PPP2R2B: variants seen among roughly 807,000 people sequenced by gnomAD.
PPP2R2B encodes the protein protein phosphatase 2 regulatory subunit Bbeta, also known as serine/threonine-protein phosphatase 2A 55 kDa regulatory subunit B beta isoform.
PPP2R2B carries 5 observed loss-of-function variants against 46.0 expected under a neutral mutation model. The observed-to-expected ratio is 0.11, with a 90% CI of 0.06 to 0.23. The LOEUF (loss-of-function observed/expected upper bound fraction) is 0.23, where lower values mean the gene tolerates loss of function less well. PPP2R2B is among the 10% of genes least tolerant of loss of function. The probability of loss-of-function intolerance (pLI) is 1.00; values close to 1 mark genes in which losing one functional copy is unlikely to be tolerated. For missense variants in PPP2R2B, 367 were observed against 575.0 expected, an observed-to-expected ratio of 0.64 and a Z score of 3.70; for synonymous variants, 215 against 206.7, an observed-to-expected ratio of 1.04 and a Z score of -0.34.
intron 2 of PPP2R2B, among the ~76,000 whole-genome samples, chr5:146,830,418 C>T (rs952152782): frequency 6.6e-6 from 1 of 152,118 alleles, no homozygotes; most frequent in African/African-American, 2.4e-5. Context: ...TATATAAAGC[C>T]CAACCAACAG....
intron 1 of PPP2R2B, among the ~76,000 whole-genome samples, chr5:146,985,847 C>T (rs1194898235): frequency 3.3e-5 from 5 of 151,980 alleles, no homozygotes; most frequent in African/African-American, 7.3e-5. Context: ...AACTGTTAAA[C>T]TAATTAAAAA....
intron 1 of PPP2R2B, among the ~76,000 whole-genome samples, chr5:146,961,554 C>T (rs1339284197): frequency 1.3e-5 from 2 of 152,140 alleles, no homozygotes; most frequent in African/African-American, 4.8e-5. Flanking sequence ...TACTAGGAAG[C>T]TTGAACACCT....
chr5:146,601,293 C>T (rs1157363332), intron 7 of PPP2R2B, among the ~76,000 whole-genome samples: 6 of 152,104 alleles, frequency 3.9e-5, no homozygotes, highest in Non-Finnish European at 8.8e-5. Context: ...CTTGTTGGCT[C>T]ACGGTGTTTA....
intron 5 of PPP2R2B, among the ~76,000 whole-genome samples, chr5:146,682,912 G>A (rs1025131247): frequency 1.3e-5 from 2 of 152,156 alleles, no homozygotes; most frequent in Non-Finnish European, 2.9e-5. Flanking sequence ...AGAACCTTGA[G>A]GCAGGAGGAG....
At chr5:146,916,784 GA>G (rs1471615319) in intron 1 of PPP2R2B, among the ~76,000 whole-genome samples, 1 of 151,932 alleles carries the variant, frequency 6.6e-6, no homozygotes, top group Admixed American at 6.6e-5. Context: ...CTTGTAGTAA[GA>G]AAAAAAGTTG....
intron 8 of PPP2R2B, among the ~76,000 whole-genome samples, chr5:146,596,023 A>G (rs1485782441): frequency 1.3e-5 from 2 of 152,132 alleles, no homozygotes; most frequent in Admixed American, 6.5e-5. Context: ...TTTTTCTCCA[A>G]AGGGCCGGAT....
At chr5:146,772,063 T>C (rs1222279079) in intron 2 of PPP2R2B, among the ~76,000 whole-genome samples, 1 of 152,136 alleles carries the variant, frequency 6.6e-6, no homozygotes, top group Admixed American at 6.6e-5. Flanking sequence ...GGAAACAACC[T>C]GAATTACATC....
intron 2 of PPP2R2B, among the ~76,000 whole-genome samples, chr5:146,745,371 G>T (rs73322106): frequency 0.024 from 3,662 of 151,982 alleles, 143 homozygotes; most frequent in African/African-American, 0.081. Flanking sequence ...GAGATTTTTG[G>T]CCATAAAAAT....
intron 2 of PPP2R2B, among the ~76,000 whole-genome samples, chr5:146,797,077 C>T (rs1389685370): frequency 3.9e-5 from 6 of 152,200 alleles, no homozygotes; most frequent in African/African-American, 1.4e-4. Flanking sequence ...GTTCTCACAG[C>T]ATGAAAGTGC....
chr5:146,752,665 T>G (rs1051343990), intron 2 of PPP2R2B, among the ~76,000 whole-genome samples: 2 of 151,996 alleles, frequency 1.3e-5, no homozygotes, highest in African/African-American at 4.8e-5. Context: ...GTTTTTGGGG[T>G]GTGTGTGTGT....
At chr5:146,753,966 A>G (rs1256772938) in intron 2 of PPP2R2B, among the ~76,000 whole-genome samples, 1 of 152,096 alleles carries the variant, frequency 6.6e-6, no homozygotes, top group Non-Finnish European at 1.5e-5. Flanking sequence ...GCTTAAATCA[A>G]GCAGAATTGT....
At chr5:146,851,424 T>C (rs960141700) in intron 2 of PPP2R2B, among the ~76,000 whole-genome samples, 2 of 152,134 alleles carry the variant, frequency 1.3e-5, no homozygotes, top group Non-Finnish European at 1.5e-5. Flanking sequence ...TGATTGCTGA[T>C]TGCTATTAGT....
chr5:146,925,737 C>T (rs1763761396), intron 1 of PPP2R2B, among the ~76,000 whole-genome samples: 1 of 152,022 alleles, frequency 6.6e-6, no homozygotes, highest in South Asian at 2.1e-4. Flanking sequence ...TTTTCTGTCC[C>T]TTTCTCTTCT....
chr5:146,917,533 A>C (rs1763435764), intron 1 of PPP2R2B, among the ~76,000 whole-genome samples: 1 of 152,234 alleles, frequency 6.6e-6, no homozygotes, highest in South Asian at 2.1e-4. Context: ...ATCTTCATTT[A>C]TATAGAGGTT....
Position 146,847,274 on chromosome 5 carries a change from A to G in PPP2R2B, c.70+30728T>C, listed in dbSNP as rs138400776. Among the ~76,000 whole-genome samples the G allele has an allele frequency of 1.1e-3, 163 of 152,256 alleles. 1 individual carries two copies. Among genetic ancestry groups the G allele is most frequent in the African/African-American group, 3.8e-3 (158 of 41,554 alleles). On this transcript the variant is annotated intron_variant, in intron 2 of 9. Transcript: ENST00000394411. ...CCCCAGGATAAAGTTCAAATCTTCA[A>G]TTCAGCCTTTAATTCCTGACATAAT...
chr5:146,652,770 A>C (rs1266378893), intron 5 of PPP2R2B, among the ~76,000 whole-genome samples: 11 of 152,052 alleles, frequency 7.2e-5, no homozygotes, highest in Admixed American at 7.2e-4. Flanking sequence ...ACCCCCCCCC[A>C]AAAAGTTTTG....
rs1033231641 is a variant in PPP2R2B at position 146,804,107 on chromosome 5, C to A, written c.70+73895G>T. 5.3e-5 allele frequency among the ~76,000 whole-genome samples: 8 copies of A among 151,780 alleles called. No individual in the cohort carries two copies. The East Asian group carries it at 1.5e-3, about 29-fold the overall frequency. On this transcript the variant is annotated intron_variant, in intron 2 of 9. Coordinates refer to ENST00000394411, the MANE Select transcript of PPP2R2B (RefSeq NM_181675.4). ...GCTTGAACCCGGGAGGTGGAGGTTG[C>A]AGCGAGCAGAGATCATGCCACTGCA... is the stretch of plus-strand genomic sequence containing the variant.
chr5:146,948,420 A>G (rs996688467), intron 1 of PPP2R2B, among the ~76,000 whole-genome samples: 2 of 152,110 alleles, frequency 1.3e-5, no homozygotes, highest in African/African-American at 4.8e-5. Flanking sequence ...GAAGTCCTTG[A>G]TACTGTTCCT....
chr5:146,866,876 A>AAAACAGGCCTTTCTTTCT (rs1491120194), intron 2 of PPP2R2B, among the ~76,000 whole-genome samples: 4 of 152,176 alleles, frequency 2.6e-5, no homozygotes, highest in African/African-American at 4.8e-5. Context: ...AGTGCCTTCC[A>AAAACAGGCCTTTCTTTCT]TTCTTTCTGT....
Sources: gnomAD v4.1 joint callset for allele counts (sites outside exome capture counted in the v4.1 genomes callset) on GRCh38, gnomAD v4.1.1 for gene constraint, MANE v1.5 for transcripts, NCBI Gene and HGNC (gene_info 2026-07-23, HGNC 2026-07-21) for gene names.